AP3B1: variants seen among roughly 807,000 people sequenced by gnomAD.
AP3B1 encodes the protein adaptor related protein complex 3 subunit beta 1, also known as AP-3 complex subunit beta-1.
AP3B1 carries 61 observed loss-of-function variants against 132.5 expected under a neutral mutation model. The ratio of observed to expected loss-of-function variants is 0.46; its 90% CI spans 0.37 to 0.57. The LOEUF (loss-of-function observed/expected upper bound fraction) is 0.57. Among genes scored for constraint, AP3B1 ranks in the 20% least tolerant of loss-of-function variants. The probability of loss-of-function intolerance (pLI) is 0.00; values close to 1 mark genes in which losing one functional copy is unlikely to be tolerated. For synonymous variants in AP3B1, 388 were observed against 438.3 expected (o/e 0.89, Z 1.43); for missense variants, 1,120 against 1,289.4 (o/e 0.87, Z 2.01).
chr5:78,009,461 GAA>G, intron 26 of AP3B1, among the ~76,000 whole-genome samples: 1 of 137,500 alleles, frequency 7.3e-6, no homozygotes, highest in African/African-American at 2.7e-5. Flanking sequence ...TGTCTTAAAA[GAA>G]AAAAAAAAAG....
intron 22 of AP3B1, among the ~76,000 whole-genome samples, chr5:78,085,455 T>C (rs1750201462): frequency 6.6e-6 from 1 of 152,178 alleles, no homozygotes; most frequent in African/African-American, 2.4e-5. Flanking sequence ...ATGATATTTT[T>C]CATAAACTGA....
rs974064134 is a variant in AP3B1 at position 78,087,585 on chromosome 5, G to A, written c.2577+1808C>T. On this transcript the variant is annotated intron_variant, in intron 22 of 26. Transcript: ENST00000255194. The stretch of plus-strand genomic sequence containing the variant: ...TGATCATTTTGTTAGCTTTTGGGGA[G>A]TGAGTGTTGTGGTCCTGCTTCACTC... The A allele has an allele frequency of 3.0e-6, 3 of 985,252 alleles. No homozygotes were observed. The African/African-American group carries it at 5.2e-5, about 17-fold the overall frequency. 61.0% of individuals were successfully genotyped at this position (985,252 alleles called of 1,614,324 possible).
At chr5:78,038,299 C>G (rs916976602) in intron 23 of AP3B1, among the ~76,000 whole-genome samples, 1 of 152,168 alleles carries the variant, frequency 6.6e-6, no homozygotes, top group Non-Finnish European at 1.5e-5. Flanking sequence ...GTGATATCCT[C>G]TAGGCTACTG....
intron 20 of AP3B1, 57 bp from the exon 21 acceptor site, chr5:78,101,082 T>C (rs1751104911): frequency 2.8e-6 from 3 of 1,060,774 alleles, no homozygotes; most frequent in South Asian, 2.9e-5. Flanking sequence ...ATCTGTGGAG[T>C]AGTCCTTAAT....
At chr5:78,246,701 T>C (rs190706096) in intron 2 of AP3B1, among the ~76,000 whole-genome samples, 5 of 152,090 alleles carry the variant, frequency 3.3e-5, no homozygotes, top group Non-Finnish European at 1.5e-5. Flanking sequence ...TATTGATAAT[T>C]TGTCCTGTTT....
rs1229682546 is a variant in AP3B1 at position 78,227,521 on chromosome 5, T to G, written c.387A>C (p.Gln129His). 1 of 1,613,680 alleles carries G rather than the reference T, an allele frequency of 6.2e-7. No individual in the cohort carries two copies. The highest frequency in any genetic ancestry group is 1.3e-5 in the African/African-American group (1 of 75,028). ...TFQRALKDPN[Q>H]LIRASALRVL... ...CTCTCAAAGCGCTTGCACGAATTAG[T>G]TGGTTTGGGTCCTAAAAATAGTGCA... The change falls in exon 5 of 27, where the codon CAA becomes CAC. Residue 129 changes from glutamine (Q) to histidine (H), a missense_variant. Gln to His is a conservative substitution (Grantham distance 24, BLOSUM62 0). Transcript: ENST00000255194.
chr5:78,161,547 CAT>C (rs945291602), intron 13 of AP3B1, among the ~76,000 whole-genome samples: 12 of 151,560 alleles, frequency 7.9e-5, no homozygotes, highest in African/African-American at 2.7e-4. Flanking sequence ...TAAAATGTGA[CAT>C]AGAAACAGAG....
intron 14 of AP3B1, among the ~76,000 whole-genome samples, chr5:78,145,028 C>T (rs1469790449): frequency 6.6e-6 from 1 of 152,082 alleles, no homozygotes; most frequent in African/African-American, 2.4e-5. Context: ...AGAAGAACTC[C>T]AAAACCAGTA....
chr5:78,038,663 C>G (rs547184405), intron 23 of AP3B1, among the ~76,000 whole-genome samples: 2 of 152,214 alleles, frequency 1.3e-5, no homozygotes, highest in Non-Finnish European at 2.9e-5. Flanking sequence ...TTCAGAAATG[C>G]AGAGCGATTT....
intron 17 of AP3B1, among the ~76,000 whole-genome samples, chr5:78,118,739 C>T (rs1580369632): frequency 6.6e-6 from 1 of 152,240 alleles, no homozygotes; most frequent in Non-Finnish European, 1.5e-5. Flanking sequence ...TAGGCTCCAC[C>T]TCTGGGGCCA....
In AP3B1 at chr5:78,039,186, G is replaced by C; in HGVS notation, c.2666C>G (p.Pro889Arg). 1 of 1,614,066 alleles carries C rather than the reference G, an allele frequency of 6.2e-7. No individual in the cohort carries two copies. The highest frequency in any genetic ancestry group is 8.5e-7 in the Non-Finnish European group (1 of 1,179,980). The change falls in exon 23 of 27, where the codon CCA becomes CGA. Residue 889 changes from proline to arginine, a missense_variant. By Grantham distance (103) the Pro-to-Arg change is moderately radical. Around this residue, in one of 3 missense-constraint regions of AP3B1, gnomAD observed 906 missense variants for 997.1 expected, o/e 0.91. Coordinates refer to ENST00000255194, the MANE Select transcript of AP3B1 (RefSeq NM_003664.5). ...GKGLAAHYFF[P>R]RQPCIFGDKM... ...ATCACCAAAAATGCAAGGCTGTCTT[G>C]GAAAGAAATAATGGGCAGCTAGTCC...
chr5:78,032,474 C>G (rs1250473150), intron 24 of AP3B1, among the ~76,000 whole-genome samples: 6 of 152,120 alleles, frequency 3.9e-5, no homozygotes, highest in African/African-American at 1.4e-4. Flanking sequence ...GCAAAAGGCA[C>G]AGTCAGTGAT....
intron 22 of AP3B1, among the ~76,000 whole-genome samples, chr5:78,067,567 CTCTCAG>C (rs1749345274): frequency 6.6e-6 from 1 of 152,176 alleles, no homozygotes; most frequent in Non-Finnish European, 1.5e-5. Flanking sequence ...TCTTAACAGT[CTCTCAG>C]ACTATAGCGC....
intron 21 of AP3B1, among the ~76,000 whole-genome samples, chr5:78,090,719 C>G (rs146137667): frequency 6.6e-6 from 1 of 152,324 alleles, no homozygotes; most frequent in Non-Finnish European, 1.5e-5. Flanking sequence ...GAATAAAATA[C>G]ATTACAATGT....
chr5:78,183,959 GGAGTTA>G (rs1000952639), intron 7 of AP3B1, among the ~76,000 whole-genome samples: 3 of 150,590 alleles, frequency 2.0e-5, no homozygotes, highest in Non-Finnish European at 4.4e-5. Context: ...CACGAGATCA[GGAGTTA>G]GAGACCAGCC....
At chr5:78,160,101 G>GTGACC (rs1337576854) in intron 13 of AP3B1, among the ~76,000 whole-genome samples, 40 of 152,224 alleles carry the variant, frequency 2.6e-4, no homozygotes, top group African/African-American at 9.1e-4. Flanking sequence ...TATATGGGAA[G>GTGACC]ACTATAATAT....
chr5:78,210,010 T>C (rs1745668345), intron 7 of AP3B1, among the ~76,000 whole-genome samples: 1 of 152,200 alleles, frequency 6.6e-6, no homozygotes, highest in Non-Finnish European at 1.5e-5. Context: ...TATTTCAATA[T>C]TAGATCATGG....
chr5:78,174,786 C>T (rs1022960812), intron 11 of AP3B1, among the ~76,000 whole-genome samples: 1 of 152,252 alleles, frequency 6.6e-6, no homozygotes, highest in Non-Finnish European at 1.5e-5. Context: ...CTGATGTCTG[C>T]AGTTGTCTGC....
intron 1 of AP3B1, among the ~76,000 whole-genome samples, chr5:78,271,816 C>CG (rs1748556033): frequency 6.6e-6 from 1 of 152,194 alleles, no homozygotes; most frequent in Non-Finnish European, 1.5e-5. Flanking sequence ...TATAGCATAA[C>CG]GTCACATGAC....
Sources: allele counts gnomAD v4.1 joint callset (sites outside exome capture counted in the v4.1 genomes callset), GRCh38; gene constraint gnomAD v4.1.1; regional missense constraint gnomAD v4.1.1; transcripts MANE v1.5; gene names NCBI Gene and HGNC (gene_info 2026-07-23, HGNC 2026-07-21).